Variants in GSE1 observed in about 807,000 individuals in gnomAD.
GSE1 encodes Gse1 coiled-coil protein.
GSE1 carries 32 observed loss-of-function variants against 112.6 expected under a neutral mutation model. The ratio of observed to expected loss-of-function variants is 0.28; its 90% CI spans 0.21 to 0.38. The LOEUF (loss-of-function observed/expected upper bound fraction) is 0.38, where lower values mean the gene tolerates loss of function less well. Ranked by LOEUF, GSE1 falls within the 10% of genes least tolerant of loss-of-function variation. GSE1 has a pLI of 1.00. For missense variants in GSE1, 2,348 were observed against 1,699.2 expected (o/e 1.38, Z -6.71); for synonymous variants, 1,115 against 735.6 (o/e 1.52, Z -8.35).
chr16:85,548,884 G>A (rs2044801409), intron 2 of GSE1, among the ~76,000 whole-genome samples: 1 of 152,146 alleles, frequency 6.6e-6, no homozygotes. Flanking sequence ...CCGCCTCCTG[G>A]GTTCAAGTGA....
In GSE1 at chr16:85,485,716, T is replaced by C. The variant is rs774081790; in HGVS notation, c.2464+128073T>C. Among the ~76,000 whole-genome samples the C allele has an allele frequency of 2.6e-5, 4 of 152,350 alleles. No homozygotes were observed. The South Asian group carries it at 8.3e-4, about 32-fold the overall frequency. On this transcript the variant is annotated intron_variant, in intron 2 of 2. Transcript: ENST00000637419. ...GCCGAGGCGGCCGGCTGTGCATCAGTGTGCCCGTAATTGTTCCTGTAATTG... is the reference window on the plus strand; with the variant it reads ...GCCGAGGCGGCCGGCTGTGCATCAGCGTGCCCGTAATTGTTCCTGTAATTG...
chr16:85,364,526 C>T (rs1000088908), intron 2 of GSE1, among the ~76,000 whole-genome samples: 5 of 152,212 alleles, frequency 3.3e-5, no homozygotes, highest in East Asian at 1.9e-4. Context: ...CCCCCGGTGC[C>T]GTAACAGACA....
intron 2 of GSE1, among the ~76,000 whole-genome samples, chr16:85,470,442 C>T (rs1308404722): frequency 3.3e-5 from 5 of 152,230 alleles, no homozygotes; most frequent in African/African-American, 1.2e-4. Flanking sequence ...TGTCTCTTTC[C>T]CGAGTGACAT....
intron 1 of GSE1, among the ~76,000 whole-genome samples, chr16:85,231,429 T>C (rs867491275): frequency 2.3e-5 from 3 of 131,166 alleles, no homozygotes; most frequent in African/African-American, 8.5e-5. Flanking sequence ...GATGGATGGA[T>C]GGACAGATGA....
chr16:85,495,081 G>A (rs2051128812), intron 2 of GSE1, among the ~76,000 whole-genome samples: 1 of 152,206 alleles, frequency 6.6e-6, no homozygotes, highest in Admixed American at 6.5e-5. Flanking sequence ...ATGCTGGGCT[G>A]TTTCCAGCAC....
intron 1 of GSE1, among the ~76,000 whole-genome samples, chr16:85,337,184 C>A (rs756076052): frequency 6.6e-6 from 1 of 152,236 alleles, no homozygotes; most frequent in Non-Finnish European, 1.5e-5. Flanking sequence ...CCTGTGGGCA[C>A]CCCCGCCTGC....
intron 2 of GSE1, among the ~76,000 whole-genome samples, chr16:85,515,064 T>G (rs905742715): frequency 6.6e-6 from 1 of 152,210 alleles, no homozygotes; most frequent in African/African-American, 2.4e-5. Context: ...TATGAATGCA[T>G]GCCTATGGAT....
At chr16:85,552,056 C>T (rs2044940735), upstream of GSE1, among the ~76,000 whole-genome samples, 1 of 151,960 alleles carries the variant, frequency 6.6e-6, no homozygotes, top group African/African-American at 2.4e-5. Flanking sequence ...GACGGAGTCT[C>T]GCTCTGTCGC....
intron 3 of GSE1, among the ~76,000 whole-genome samples, chr16:85,650,040 G>A (rs2051202732): frequency 2.0e-5 from 3 of 152,164 alleles, no homozygotes; most frequent in Non-Finnish European, 2.9e-5. Flanking sequence ...CCTGGCTGAG[G>A]GGACAAACCT....
intron 1 of GSE1, among the ~76,000 whole-genome samples, chr16:85,614,518 T>TG (rs892520339): frequency 3.3e-5 from 5 of 151,094 alleles, no homozygotes; most frequent in Admixed American, 6.6e-5. Flanking sequence ...GGTTCCCAGA[T>TG]GGGGGGAAGG....
upstream of GSE1, among the ~76,000 whole-genome samples, chr16:85,608,686 G>A (rs1407291306): frequency 1.3e-5 from 2 of 152,216 alleles, no homozygotes; most frequent in African/African-American, 4.8e-5. Flanking sequence ...CTCCCCACTC[G>A]GGCTGTGTAA....
intron 2 of GSE1, among the ~76,000 whole-genome samples, chr16:85,369,612 T>C (rs1597506120): frequency 6.6e-6 from 1 of 152,230 alleles, no homozygotes; most frequent in Non-Finnish European, 1.5e-5. Flanking sequence ...CCCTGGACAG[T>C]CCAGGATACT....
intron 2 of GSE1, among the ~76,000 whole-genome samples, chr16:85,431,454 C>T (rs559575393): frequency 2.0e-5 from 3 of 152,334 alleles, no homozygotes; most frequent in East Asian, 1.9e-4. Flanking sequence ...TACCGCGGGG[C>T]GAAAAACACA....
intron 1 of GSE1, among the ~76,000 whole-genome samples, chr16:85,583,769 C>G (rs1312640945): frequency 1.3e-5 from 2 of 152,202 alleles, no homozygotes; most frequent in African/African-American, 2.4e-5. Flanking sequence ...GCCCCCCGTC[C>G]TCCTCCTGTC....
chr16:85,570,668 A>G (rs978426090), intron 1 of GSE1, among the ~76,000 whole-genome samples: 14 of 152,216 alleles, frequency 9.2e-5, no homozygotes, highest in East Asian at 1.9e-4. Context: ...ATAGCCCGCA[A>G]CCAACTTTGT....
At chr16:85,289,749 TCGC>T (rs1188546248) in intron 1 of GSE1, among the ~76,000 whole-genome samples, 1 of 152,118 alleles carries the variant, frequency 6.6e-6, no homozygotes, top group Non-Finnish European at 1.5e-5. Context: ...CCTGGGGCAG[TCGC>T]CCGATGAGGA....
chr16:85,344,610 C>T (rs1196044673), intron 1 of GSE1, among the ~76,000 whole-genome samples: 1 of 152,272 alleles, frequency 6.6e-6, no homozygotes, highest in African/African-American at 2.4e-5. Flanking sequence ...AGCTTCACAA[C>T]ACAGACTCAT....
At chr16:85,553,353 G>A (rs143766172), upstream of GSE1, among the ~76,000 whole-genome samples, 93 of 151,308 alleles carry the variant, frequency 6.1e-4, no homozygotes, top group East Asian at 0.015. Context: ...GCGCCGCCAC[G>A]CAGCTCCGGA....
intron 1 of GSE1, among the ~76,000 whole-genome samples, chr16:85,318,453 G>A (rs1156852173): frequency 6.6e-6 from 1 of 152,056 alleles, no homozygotes; most frequent in Admixed American, 6.6e-5. Flanking sequence ...TTTGTAAAGT[G>A]GGAACCTCCC....
Sources: gnomAD v4.1 joint callset for allele counts (sites outside exome capture counted in the v4.1 genomes callset) on GRCh38, gnomAD v4.1.1 for gene constraint, MANE v1.5 for transcripts, NCBI Gene and HGNC (gene_info 2026-07-23, HGNC 2026-07-21) for gene names.